Variants in ADAMTS12 observed in about 807,000 individuals in gnomAD.
ADAMTS12 encodes ADAM metallopeptidase with thrombospondin type 1 motif 12, also known as A disintegrin and metalloproteinase with thrombospondin motifs 12.
In ADAMTS12, 118 loss-of-function variants were observed where a neutral mutation model predicts 167.8. The ratio of observed to expected loss-of-function variants is 0.70; its 90% CI spans 0.61 to 0.82. The LOEUF is 0.82. Ranked by LOEUF, ADAMTS12 falls within the 40% of genes least tolerant of loss-of-function variation. ADAMTS12 has a pLI of 0.00. For synonymous variants in ADAMTS12, 704 were observed against 716.9 expected (o/e 0.98, Z 0.29); for missense variants, 1,916 against 1,998.8 (o/e 0.96, Z 0.79).
intron 2 of ADAMTS12, among the ~76,000 whole-genome samples, chr5:33,759,787 G>A (rs554639481): frequency 2.6e-4 from 40 of 152,210 alleles, no homozygotes; most frequent in Non-Finnish European, 4.1e-4. Context: ...CATTTATTTC[G>A]TTTTAATTCC....
intron 18 of ADAMTS12, among the ~76,000 whole-genome samples, chr5:33,585,018 G>A (rs1747267329): frequency 6.6e-6 from 1 of 151,482 alleles, no homozygotes; most frequent in African/African-American, 2.4e-5. Flanking sequence ...CATTTATTAA[G>A]TACATGGTGG....
chr5:33,663,999 G>T (rs369380796), intron 5 of ADAMTS12, among the ~76,000 whole-genome samples: 2 of 152,218 alleles, frequency 1.3e-5, no homozygotes, highest in African/African-American at 2.4e-5. Flanking sequence ...GCTTAAAGAA[G>T]TCAAAGACCT....
chr5:33,649,849 G>T lies in ADAMTS12; in HGVS notation c.1191-152C>A, dbSNP rs539412280. The T allele has an allele frequency of 3.5e-5, 35 of 1,001,968 alleles. No individual in the cohort carries two copies. The South Asian group carries it at 6.3e-4, about 18-fold the overall frequency. 62.1% of individuals were successfully genotyped at this position (1,001,968 alleles called of 1,614,324 possible). On this transcript the variant is annotated intron_variant, in intron 7 of 23. Transcript: ENST00000504830. ...CAAAGTGAGACTTTGAAGTCGGAGG[G>T]GCATAGCTAATTTTCAAATGAAAAA...
intron 14 of ADAMTS12, among the ~76,000 whole-genome samples, chr5:33,617,671 C>A (rs910724186): frequency 2.6e-5 from 4 of 152,192 alleles, no homozygotes; most frequent in African/African-American, 9.6e-5. Flanking sequence ...TATCTGCAGT[C>A]ATTTTCATAC....
Position 33,747,805 on chromosome 5 carries a change from C to A in ADAMTS12, c.634+3599G>T, listed in dbSNP as rs1744841197. ...TTAAGATTCCAAATCTCTTGTTAGT[C>A]TTACTATATATTATAAAGATAAAAC... On this transcript the variant is annotated intron_variant, in intron 3 of 23. Transcript: ENST00000504830. Among the ~76,000 whole-genome samples, 3 of 152,098 alleles carry A rather than the reference C, an allele frequency of 2.0e-5. No individual in the cohort carries two copies. In the South Asian group the frequency reaches 6.2e-4, roughly 32 times the overall value.
chr5:33,876,776 T>C (rs995435946), intron 2 of ADAMTS12, among the ~76,000 whole-genome samples: 2 of 152,350 alleles, frequency 1.3e-5, no homozygotes, highest in East Asian at 3.9e-4. Flanking sequence ...GAAAAGTGTG[T>C]CATCTTGACC....
chr5:33,633,810 T>C (rs1381494507), intron 12 of ADAMTS12, among the ~76,000 whole-genome samples: 1 of 152,172 alleles, frequency 6.6e-6, no homozygotes, highest in Non-Finnish European at 1.5e-5. Flanking sequence ...GTCCATCATC[T>C]CTACAGAGTT....
At chr5:33,849,329 A>G in intron 2 of ADAMTS12, among the ~76,000 whole-genome samples, 1 of 133,148 alleles carries the variant, frequency 7.5e-6, no homozygotes, top group African/African-American at 3.4e-5. Context: ...CTATATATAT[A>G]TGTATTGAAT....
At chr5:33,758,416 T>C (rs1170563643) in intron 2 of ADAMTS12, among the ~76,000 whole-genome samples, 2 of 152,024 alleles carry the variant, frequency 1.3e-5, no homozygotes, top group African/African-American at 4.8e-5. Flanking sequence ...CTTGGCATAA[T>C]GAACAAAAGC....
intron 5 of ADAMTS12, among the ~76,000 whole-genome samples, chr5:33,664,316 G>T (rs908353520): frequency 6.6e-6 from 1 of 152,108 alleles, no homozygotes; most frequent in Non-Finnish European, 1.5e-5. Context: ...TAGGTGCAGG[G>T]ATAGTCACAT....
chr5:33,590,580 A>G (rs1747582513), intron 17 of ADAMTS12, among the ~76,000 whole-genome samples: 1 of 152,240 alleles, frequency 6.6e-6, no homozygotes, highest in African/African-American at 2.4e-5. Context: ...GCCAGATCAA[A>G]TGAACCTCCA....
chr5:33,675,369 G>T (rs1196795085), intron 5 of ADAMTS12, among the ~76,000 whole-genome samples: 1 of 152,204 alleles, frequency 6.6e-6, no homozygotes, highest in African/African-American at 2.4e-5. Context: ...AGGAGTAAAG[G>T]AGAGGGAAAG....
chr5:33,778,949 T>G (rs1016476579), intron 2 of ADAMTS12, among the ~76,000 whole-genome samples: 4 of 151,994 alleles, frequency 2.6e-5, no homozygotes, highest in Admixed American at 6.6e-5. Context: ...AAAACCACAA[T>G]GAGATACCAT....
chr5:33,730,289 G>GGTGTGTGTGTGTGTGTGT (rs762232547), intron 3 of ADAMTS12, among the ~76,000 whole-genome samples: 183 of 144,252 alleles, frequency 1.3e-3, no homozygotes, highest in African/African-American at 3.7e-3. Flanking sequence ...AGTCCATTAG[G>GGTGTGTGTGTGTGTGTGT]GTGTGTGTGT....
At chr5:33,800,909 T>G (rs12658071) in intron 2 of ADAMTS12, among the ~76,000 whole-genome samples, 24,044 of 152,208 alleles carry the variant, frequency 0.16, 2,490 homozygotes, top group East Asian at 0.34. Context: ...AAAGGATTTT[T>G]CAGGTATAAT....
intron 18 of ADAMTS12, among the ~76,000 whole-genome samples, chr5:33,584,106 T>C (rs1292792023): frequency 3.3e-5 from 5 of 152,186 alleles, no homozygotes; most frequent in Non-Finnish European, 7.3e-5. Flanking sequence ...CGTGGTTTAG[T>C]GGTTATGTGA....
intron 3 of ADAMTS12, among the ~76,000 whole-genome samples, chr5:33,686,862 C>CTA (rs1277981103): frequency 6.6e-6 from 1 of 150,792 alleles, no homozygotes; most frequent in Admixed American, 6.6e-5. Context: ...TCTCCTCTCT[C>CTA]TCTATATATA....
chr5:33,573,498 G>A (rs1746501722), intron 19 of ADAMTS12, among the ~76,000 whole-genome samples: 1 of 152,146 alleles, frequency 6.6e-6, no homozygotes, highest in Admixed American at 6.5e-5. Flanking sequence ...AAGCAGGAAA[G>A]GATTCCCTAT....
At chr5:33,780,571 G>T (rs1361410778) in intron 2 of ADAMTS12, among the ~76,000 whole-genome samples, 1 of 152,186 alleles carries the variant, frequency 6.6e-6, no homozygotes, top group African/African-American at 2.4e-5. Flanking sequence ...GGTTCAGGTA[G>T]ATTGACGCAA....
Sources: gnomAD v4.1 joint callset for allele counts (sites outside exome capture counted in the v4.1 genomes callset) on GRCh38, gnomAD v4.1.1 for gene constraint, MANE v1.5 for transcripts, NCBI Gene and HGNC (gene_info 2026-07-23, HGNC 2026-07-21) for gene names.